TGFBR3: variants seen among roughly 807,000 people sequenced by gnomAD.
TGFBR3 encodes transforming growth factor beta receptor 3.
TGFBR3 carries 46 observed loss-of-function variants against 87.9 expected under a neutral mutation model. That is an observed-to-expected ratio of 0.52 (90% CI 0.41 to 0.67). TGFBR3 has a LOEUF of 0.67. TGFBR3 is among the 30% of genes least tolerant of loss of function. The pLI, the probability that TGFBR3 is intolerant of heterozygous loss-of-function variation, is 0.00. For synonymous variants in TGFBR3, 381 were observed against 391.6 expected (o/e 0.97, Z 0.32); for missense variants, 866 against 1,041.9 (o/e 0.83, Z 2.32).
At chr1:91,777,391 A>AT (rs1209675269) in intron 3 of TGFBR3, among the ~76,000 whole-genome samples, 1 of 152,160 alleles carries the variant, frequency 6.6e-6, no homozygotes, top group African/African-American at 2.4e-5. Flanking sequence ...TGTCCTCAAC[A>AT]TATTTCATAC....
chr1:91,809,747 A>T (rs1262827436), intron 2 of TGFBR3, among the ~76,000 whole-genome samples: 1 of 152,206 alleles, frequency 6.6e-6, no homozygotes, highest in Non-Finnish European at 1.5e-5. Context: ...ATAGGTCCCA[A>T]TTATAAGACT....
intron 3 of TGFBR3, among the ~76,000 whole-genome samples, chr1:91,794,522 A>G (rs1211930143): frequency 6.6e-6 from 1 of 151,364 alleles, no homozygotes; most frequent in Non-Finnish European, 1.5e-5. Context: ...TTAAAAAAAC[A>G]TGTAACGTTT....
chr1:91,701,813 C>T (rs1671628022), intron 14 of TGFBR3, among the ~76,000 whole-genome samples: 1 of 152,138 alleles, frequency 6.6e-6, no homozygotes, highest in African/African-American at 2.4e-5. Context: ...GAGGAAGATT[C>T]CTCCTGGAGA....
At chr1:91,828,776 T>A (rs2810884) in intron 2 of TGFBR3, among the ~76,000 whole-genome samples, 1 of 152,062 alleles carries the variant, frequency 6.6e-6, no homozygotes, top group African/African-American at 2.4e-5. Flanking sequence ...AGTTTAAGCC[T>A]GTATTACTGT....
chr1:91,782,749 C>T (rs540265392), intron 3 of TGFBR3, among the ~76,000 whole-genome samples: 1 of 46 alleles, frequency 0.022, no homozygotes, highest in Admixed American at 0.25. Context: ...TCACTTTCGA[C>T]CTTTTGTGCT....
chr1:91,895,976 C>T (rs1449634552), intron 2 of TGFBR3, among the ~76,000 whole-genome samples: 1 of 152,146 alleles, frequency 6.6e-6, no homozygotes. Flanking sequence ...ATTTCCATTG[C>T]TGCTACAACC....
chr1:91,780,856 C>A (rs1322359284), intron 3 of TGFBR3, among the ~76,000 whole-genome samples: 1 of 150,676 alleles, frequency 6.6e-6, no homozygotes, highest in Non-Finnish European at 1.5e-5. Flanking sequence ...CTGCACCCGG[C>A]CTTCCTAAGG....
chr1:91,890,516 T>A (rs1055812118), upstream of TGFBR3, among the ~76,000 whole-genome samples: 7 of 138,748 alleles, frequency 5.0e-5, no homozygotes, highest in African/African-American at 1.8e-4. Flanking sequence ...ACCTCCTGGG[T>A]TCAAGTGATT....
chr1:91,847,938 G>A (rs779300023), intron 2 of TGFBR3, among the ~76,000 whole-genome samples: 18 of 152,114 alleles, frequency 1.2e-4, no homozygotes, highest in Non-Finnish European at 1.8e-4. Context: ...TGGTGGGGGC[G>A]GGAAGAATTC....
At chr1:91,871,266 G>T (rs542099533) in intron 1 of TGFBR3, among the ~76,000 whole-genome samples, 1 of 152,184 alleles carries the variant, frequency 6.6e-6, no homozygotes, top group Non-Finnish European at 1.5e-5. Flanking sequence ...ACTTTCTGGT[G>T]GTGGGTAGTC....
At chr1:91,898,740 C>A (rs1288418092) in intron 2 of TGFBR3, among the ~76,000 whole-genome samples, 1 of 152,100 alleles carries the variant, frequency 6.6e-6, no homozygotes, top group African/African-American at 2.4e-5. Context: ...TCTGGCTGAT[C>A]ATTGTTAACA....
At chr1:91,764,398 C>T (rs910755253) in intron 3 of TGFBR3, among the ~76,000 whole-genome samples, 1 of 149,712 alleles carries the variant, frequency 6.7e-6, no homozygotes, top group Admixed American at 6.7e-5. Flanking sequence ...ATTTTGTATG[C>T]CCTGGAAAAA....
chr1:91,777,330 C>A (rs1054758051), intron 3 of TGFBR3, among the ~76,000 whole-genome samples: 5 of 152,202 alleles, frequency 3.3e-5, no homozygotes, highest in African/African-American at 1.2e-4. Context: ...AGCATCAACA[C>A]CAACAGGCAA....
intron 2 of TGFBR3, among the ~76,000 whole-genome samples, chr1:91,849,835 C>A (rs917535644): frequency 1.3e-5 from 2 of 152,094 alleles, no homozygotes; most frequent in African/African-American, 2.4e-5. Flanking sequence ...GTAATCCCAG[C>A]ACTTTGGGAG....
chr1:91,799,098 T>C (rs1045712253), intron 2 of TGFBR3, among the ~76,000 whole-genome samples: 2 of 152,186 alleles, frequency 1.3e-5, no homozygotes, highest in Non-Finnish European at 2.9e-5. Flanking sequence ...CTCCAGTTTG[T>C]TCTTCCTGAC....
At chr1:91,840,892 C>T (rs1025697135) in intron 2 of TGFBR3, among the ~76,000 whole-genome samples, 6 of 151,986 alleles carry the variant, frequency 3.9e-5, no homozygotes, top group African/African-American at 1.5e-4. Context: ...TTCACTGCAA[C>T]CTCCACCTCC....
chr1:91,840,078 G>A (rs1030028541), intron 2 of TGFBR3, among the ~76,000 whole-genome samples: 6 of 151,878 alleles, frequency 4.0e-5, no homozygotes, highest in Non-Finnish European at 5.9e-5. Context: ...GGGAGGCTCA[G>A]GCAGGTGGAT....
intron 6 of TGFBR3, chr1:91,728,041 C>T (rs942427844): frequency 2.7e-5 from 15 of 552,648 alleles, no homozygotes; most frequent in African/African-American, 2.6e-4. Flanking sequence ...TTTTTCTCTT[C>T]TTTGATGGAA....
chr1:91,774,071 A>C (rs1284153170), intron 3 of TGFBR3, among the ~76,000 whole-genome samples: 3 of 152,206 alleles, frequency 2.0e-5, no homozygotes, highest in Admixed American at 1.3e-4. Context: ...ATTTTAAAAT[A>C]GGAAGTGTTG....
Sources: gnomAD v4.1 joint callset for allele counts (sites outside exome capture counted in the v4.1 genomes callset) on GRCh38, gnomAD v4.1.1 for gene constraint, MANE v1.5 for transcripts, NCBI Gene and HGNC (gene_info 2026-07-23, HGNC 2026-07-21) for gene names.